ARHGEF18: variants seen among roughly 807,000 people sequenced by gnomAD.
ARHGEF18 encodes rho guanine nucleotide exchange factor 18.
ARHGEF18 carries 93 observed loss-of-function variants against 155.7 expected under a neutral mutation model. The ratio of observed to expected loss-of-function variants is 0.60; its 90% CI spans 0.50 to 0.71. ARHGEF18 has a LOEUF of 0.71. Ranked by LOEUF, ARHGEF18 falls within the 30% of genes least tolerant of loss-of-function variation. The probability of loss-of-function intolerance (pLI) is 0.00; values close to 1 mark genes in which losing one functional copy is unlikely to be tolerated. For synonymous variants in ARHGEF18, 742 were observed against 753.1 expected, an observed-to-expected ratio of 0.99 and a Z score of 0.24; for missense variants, 1,593 against 1,816.1, an observed-to-expected ratio of 0.88 and a Z score of 2.23.
chr19:7,477,581 C>T, the ARHGEF18 span: 2 of 632,148 alleles, frequency 3.2e-6, no homozygotes, highest in Non-Finnish European at 2.5e-6. Flanking sequence ...CCTCCCTGAC[C>T]ATCCACAGAG....
intron 7 of ARHGEF18, among the ~76,000 whole-genome samples, chr19:7,380,493 C>A (rs1221728599): frequency 9.8e-5 from 13 of 132,008 alleles, no homozygotes; most frequent in African/African-American, 2.7e-4. Flanking sequence ...AAAAAAAAAA[C>A]TGTGTAAGAT....
At chr19:7,407,717 T>C (rs1972400857) in intron 10 of ARHGEF18, among the ~76,000 whole-genome samples, 1 of 151,780 alleles carries the variant, frequency 6.6e-6, no homozygotes, top group South Asian at 2.1e-4. Context: ...TGTTAAGAGC[T>C]AGGTAGAGGC....
At chr19:7,392,475 G>A (rs1971457297) in intron 10 of ARHGEF18, 1 of 151,162 alleles carries the variant, frequency 6.6e-6, no homozygotes, top group Non-Finnish European at 1.5e-5. Context: ...CAGGGTGGGA[G>A]GATCACTTGA....
intron 18 of ARHGEF18, among the ~76,000 whole-genome samples, chr19:7,458,297 TAAAAAAAAAA>T (rs35712455): frequency 3.2e-5 from 3 of 92,326 alleles, no homozygotes; most frequent in Admixed American, 1.3e-4. Flanking sequence ...CAAGATAGTT[TAAAAAAAAAA>T]AAAAAAAAAA....
chr19:7,386,887 T>C (rs536880839), intron 10 of ARHGEF18, among the ~76,000 whole-genome samples: 1 of 151,998 alleles, frequency 6.6e-6, no homozygotes, highest in Admixed American at 6.6e-5. Flanking sequence ...GGATCCCTTC[T>C]CCACTCTGGG....
At chr19:7,373,465 T>TTG (rs1970290877) in intron 3 of ARHGEF18, among the ~76,000 whole-genome samples, 1 of 113,352 alleles carries the variant, frequency 8.8e-6, no homozygotes, top group African/African-American at 5.1e-5. Context: ...TTGTGTTTGT[T>TTG]TTTTTTTTTT....
rs1976508566 is a variant in ARHGEF18 at position 7,464,693 on chromosome 19, A to G, written c.2904+3A>G. ...GCTCTGAGGAATCGCCGCAGGTGGT[A>G]CGTGGATATCCATTTGCTCGGTACA... On this transcript the variant is annotated splice_donor_region_variant and intron_variant, in intron 23 of 28. Transcript: ENST00000668164. 1.2e-6 allele frequency: 2 copies of G among 1,613,820 alleles called. No individual in the cohort carries two copies. The highest frequency in any genetic ancestry group is 1.7e-6 in the Non-Finnish European group (2 of 1,179,966).
chr19:7,350,668 C>T (rs1969130991), intron 1 of ARHGEF18, among the ~76,000 whole-genome samples: 1 of 152,146 alleles, frequency 6.6e-6, no homozygotes, highest in Admixed American at 6.6e-5. Flanking sequence ...GCGTTCAAAT[C>T]CCAGTTCCCT....
At chr19:7,468,466 G>T (rs1212783436) in intron 26 of ARHGEF18, among the ~76,000 whole-genome samples, 1 of 152,192 alleles carries the variant, frequency 6.6e-6, no homozygotes, top group Admixed American at 6.5e-5. Flanking sequence ...GGGATCATTT[G>T]AGCCCAAGAG....
Position 7,395,302 on chromosome 19 carries a change from C to T in ARHGEF18, c.967+12099C>T. 2 of 985,754 alleles carry T rather than the reference C, an allele frequency of 2.0e-6. No individual in the cohort carries two copies. Among genetic ancestry groups the T allele is most frequent in the Non-Finnish European group, 2.4e-6 (2 of 830,206 alleles). 61.1% of individuals were successfully genotyped at this position (985,754 alleles called of 1,614,324 possible). A position where few individuals can be genotyped will look rare whatever the true frequency, so the allele number is the denominator to read the frequency against. On this transcript the variant is annotated intron_variant, in intron 10 of 28. Coordinates refer to ENST00000668164, the MANE Select transcript of ARHGEF18 (RefSeq NM_001367823.1). The surrounding 1 kb of genome is among the most constrained non-coding windows in gnomAD (Gnocchi z 5.0). ...AAAACGGGGCTCAGGAGGGGGCCCTCGGTCTCTTCAGGGGGTGGCCTGGGG... is the reference window on the plus strand; with the variant it reads ...AAAACGGGGCTCAGGAGGGGGCCCTTGGTCTCTTCAGGGGGTGGCCTGGGG...
intron 18 of ARHGEF18, among the ~76,000 whole-genome samples, chr19:7,457,656 C>T (rs766369073): frequency 1.4e-4 from 22 of 152,118 alleles, no homozygotes; most frequent in Non-Finnish European, 2.5e-4. Flanking sequence ...AGCCACCACA[C>T]CCGCACATTA....
At position 7,410,411 on chromosome 19, in the gene ARHGEF18, T is replaced by TAC. The variant is rs1364107618; in HGVS notation, c.967+27218_967+27219dup. ...ATATATATATACACACACACATACA[T>TAC]ACACACACACATATGTATATAAATC... On this transcript the variant is annotated intron_variant, in intron 10 of 28. Transcript: ENST00000668164. Among the ~76,000 whole-genome samples, 3 of 151,888 alleles carry TAC rather than the reference T, an allele frequency of 2.0e-5. No individual in the cohort carries two copies. The East Asian group carries it at 5.8e-4, about 30-fold the overall frequency.
chr19:7,381,568 C>T (rs1970736123), intron 8 of ARHGEF18, among the ~76,000 whole-genome samples: 1 of 151,998 alleles, frequency 6.6e-6, no homozygotes, highest in African/African-American at 2.4e-5. Flanking sequence ...ATCCCAGCTA[C>T]TCACGAGGCT....
At chr19:7,445,576 C>T (rs191655776) in intron 14 of ARHGEF18, among the ~76,000 whole-genome samples, 53 of 152,218 alleles carry the variant, frequency 3.5e-4, no homozygotes, top group African/African-American at 1.2e-3. Context: ...ACTATTTGCT[C>T]GAAGCATCCT....
At chr19:7,423,973 G>C (rs2145690036) in intron 10 of ARHGEF18, among the ~76,000 whole-genome samples, 1 of 152,128 alleles carries the variant, frequency 6.6e-6, no homozygotes, top group Non-Finnish European at 1.5e-5. Flanking sequence ...CTATTGATTT[G>C]GGGTGGCATC....
intron 10 of ARHGEF18, among the ~76,000 whole-genome samples, chr19:7,422,110 G>A (rs1165554300): frequency 1.3e-5 from 2 of 152,036 alleles, no homozygotes; most frequent in Non-Finnish European, 2.9e-5. Context: ...CTGCCAAACT[G>A]GTTCCCTGCC....
At chr19:7,464,779 A>C in intron 23 of ARHGEF18, 89 bp downstream of exon 23, 1 of 1,525,550 alleles carries the variant, frequency 6.6e-7, no homozygotes, top group Non-Finnish European at 8.9e-7. Context: ...GTCCAGTTTT[A>C]GTCTTATTAG....
At chr19:7,416,530 C>CATGT (rs749248523) in intron 10 of ARHGEF18, among the ~76,000 whole-genome samples, 3 of 105,910 alleles carry the variant, frequency 2.8e-5, no homozygotes, top group Non-Finnish European at 5.8e-5. Flanking sequence ...GGAGAAAATT[C>CATGT]GTGTGTGTGT....
Position 7,441,664 on chromosome 19 carries a change from G to T in ARHGEF18, c.1118G>T (p.Gly373Val). The T allele has an allele frequency of 1.2e-6, 2 of 1,614,082 alleles. No individual in the cohort carries two copies. The highest frequency in any genetic ancestry group is 1.1e-5 in the South Asian group (1 of 91,076). The change falls in exon 12 of 29, where the codon GGA (glycine) becomes GTA (valine). Residue 373 changes from glycine to valine, a missense_variant. Physicochemically the swap from Gly to Val is moderately radical, Grantham distance 109. Transcript: ENST00000668164. ...GPGTQLGPITGEMDEADSAFL... is the reference protein window; with the variant it reads ...GPGTQLGPITVEMDEADSAFL... ...TTGTTTGCACTCAGACCAATCACAG[G>T]AGAGATGGATGAAGCCGATTCTGCG... is the stretch of plus-strand genomic sequence containing the variant.
Sources: gnomAD v4.1 joint callset for allele counts (sites outside exome capture counted in the v4.1 genomes callset) on GRCh38, gnomAD v4.1.1 for gene constraint, Gnocchi (gnomAD v3.1) non-coding constraint, MANE v1.5 for transcripts, NCBI Gene and HGNC (gene_info 2026-07-23, HGNC 2026-07-21) for gene names.